MTA3: variants seen among roughly 807,000 people sequenced by gnomAD.
MTA3 encodes metastasis-associated protein MTA3.
MTA3 carries 34 observed loss-of-function variants against 83.5 expected under a neutral mutation model. The ratio of observed to expected loss-of-function variants is 0.41; its 90% confidence interval spans 0.31 to 0.54. MTA3 has a LOEUF of 0.54. MTA3 is among the 20% of genes least tolerant of loss of function. The probability of loss-of-function intolerance (pLI) is 0.33; values close to 1 mark genes in which losing one functional copy is unlikely to be tolerated. For missense variants in MTA3, 761 were observed against 726.4 expected, an observed-to-expected ratio of 1.05 and a Z score of -0.55; for synonymous variants, 303 against 252.7, an observed-to-expected ratio of 1.20 and a Z score of -1.89.
chr2:42,742,985 T>C (rs1480506072), intron 16 of MTA3, among the ~76,000 whole-genome samples: 1 of 152,172 alleles, frequency 6.6e-6, no homozygotes, highest in East Asian at 1.9e-4. Context: ...TTGAGGAGCA[T>C]TGAAGGCAGG....
chr2:42,526,006 C>A (rs189747507), intron 2 of MTA3, among the ~76,000 whole-genome samples: 3 of 152,076 alleles, frequency 2.0e-5, no homozygotes, highest in Non-Finnish European at 4.4e-5. Context: ...AAAGAACCCC[C>A]TCGTTAATGC....
At chr2:42,645,631 C>G (rs144730494) in intron 6 of MTA3, among the ~76,000 whole-genome samples, 3 of 152,264 alleles carry the variant, frequency 2.0e-5, no homozygotes, top group African/African-American at 7.2e-5. Flanking sequence ...ATCAAACCAC[C>G]AAGAACATTC....
intron 2 of MTA3, among the ~76,000 whole-genome samples, chr2:42,557,068 C>T (rs977761525): frequency 6.6e-6 from 1 of 152,136 alleles, no homozygotes; most frequent in African/African-American, 2.4e-5. Flanking sequence ...TATATACCTA[C>T]TTTGTGCCCA....
chr2:42,667,912 A>G (rs1201587391), intron 8 of MTA3, among the ~76,000 whole-genome samples: 1 of 152,188 alleles, frequency 6.6e-6, no homozygotes, highest in African/African-American at 2.4e-5. Flanking sequence ...TAACCCTGCT[A>G]TGAACAAAGG....
At chr2:42,597,105 T>C (rs1282655436) in intron 3 of MTA3, among the ~76,000 whole-genome samples, 1 of 151,484 alleles carries the variant, frequency 6.6e-6, no homozygotes, top group Non-Finnish European at 1.5e-5. Context: ...AGAGACGGGG[T>C]TTCACCTTGT....
At chr2:42,515,088 G>A (rs997838222) in intron 2 of MTA3, among the ~76,000 whole-genome samples, 10 of 151,544 alleles carry the variant, frequency 6.6e-5, no homozygotes, top group South Asian at 2.1e-4. Flanking sequence ...ACAGAGTCTC[G>A]CTCTGTTGTG....
At chr2:42,595,705 G>GTA (rs920212756) in intron 3 of MTA3, among the ~76,000 whole-genome samples, 4 of 151,906 alleles carry the variant, frequency 2.6e-5, no homozygotes, top group African/African-American at 9.7e-5. Flanking sequence ...CGGTATTTGG[G>GTA]TATATATATA....
chr2:42,666,732 C>G (rs1209139372), intron 8 of MTA3, among the ~76,000 whole-genome samples: 2 of 152,080 alleles, frequency 1.3e-5, no homozygotes, highest in African/African-American at 2.4e-5. Context: ...TTGTTATATC[C>G]CTTAGTGTAG....
chr2:42,599,898 T>A (rs977902446), intron 3 of MTA3, among the ~76,000 whole-genome samples: 1 of 152,050 alleles, frequency 6.6e-6, no homozygotes, highest in African/African-American at 2.4e-5. Flanking sequence ...CAAGACTTTT[T>A]AAAAAACTTG....
intron 3 of MTA3, chr2:42,581,739 TA>T: frequency 3.5e-6 from 1 of 287,648 alleles, no homozygotes; most frequent in Non-Finnish European, 6.8e-6. Context: ...TATATGAACA[TA>T]AATCAGATTT....
chr2:42,530,547 G>T (rs1675915748), intron 2 of MTA3, among the ~76,000 whole-genome samples: 1 of 151,610 alleles, frequency 6.6e-6, no homozygotes, highest in South Asian at 2.1e-4. Context: ...AATTTGGGAG[G>T]CCGAGGCGGG....
intron 4 of MTA3, among the ~76,000 whole-genome samples, chr2:42,628,135 G>A (rs917754056): frequency 2.0e-5 from 3 of 152,148 alleles, no homozygotes; most frequent in African/African-American, 7.2e-5. Context: ...ACCCGCCTTG[G>A]CCTTCCAAAG....
At chr2:42,581,298 C>G (rs1484594475) in intron 3 of MTA3, among the ~76,000 whole-genome samples, 1 of 150,210 alleles carries the variant, frequency 6.7e-6, no homozygotes, top group African/African-American at 2.4e-5. Context: ...CTCCTAGCCT[C>G]AAGGGATCCT....
At chr2:42,514,474 C>T (rs934804237) in intron 2 of MTA3, among the ~76,000 whole-genome samples, 11 of 151,974 alleles carry the variant, frequency 7.2e-5, no homozygotes, top group African/African-American at 2.4e-4. Flanking sequence ...ACCTCCACCT[C>T]CAGGATTCAA....
rs556867873 is a variant in MTA3, at chr2:42,614,908, T to G, written c.317+5324T>G. ...AGGAGGATTGCTTGAGCCCAGGAGT[T>G]CAAGGCTATAGTGAGCCATGATTGT... On this transcript the variant is annotated intron_variant, in intron 4 of 16. Coordinates refer to ENST00000405094, the MANE Select transcript of MTA3 (RefSeq NM_001330442.2). Among the ~76,000 whole-genome samples the G allele has an allele frequency of 4.6e-5, 7 of 151,096 alleles. No individual in the cohort carries two copies. The South Asian group carries it at 1.5e-3, about 32-fold the overall frequency.
intron 7 of MTA3, among the ~76,000 whole-genome samples, chr2:42,656,923 T>G (rs1185988134): frequency 6.6e-6 from 1 of 152,222 alleles, no homozygotes; most frequent in Non-Finnish European, 1.5e-5. Flanking sequence ...TAAAGCTATA[T>G]GTAGCAAAGA....
At chr2:42,604,798 C>G (rs1228351437) in intron 3 of MTA3, among the ~76,000 whole-genome samples, 1 of 148,748 alleles carries the variant, frequency 6.7e-6, no homozygotes, top group African/African-American at 2.5e-5. Context: ...AACGAGCATG[C>G]TGCCTTCAAG....
rs1686318739 is a variant in MTA3, at chr2:42,628,234, AT to A, written c.318-11936del. Among the ~76,000 whole-genome samples the A allele has an allele frequency of 2.0e-5, 3 of 148,624 alleles. No individual in the cohort carries two copies. The South Asian group carries it at 6.4e-4, about 31-fold the overall frequency. The stretch of plus-strand genomic sequence containing the variant: ...TATTTATTTATTTATTTATTTATTT[AT>A]TTATTTATTTTTGAGATGGAGTTTT... On this transcript the variant is annotated intron_variant, in intron 4 of 16. Coordinates refer to ENST00000405094, the MANE Select transcript of MTA3 (RefSeq NM_001330442.2).
chr2:42,524,886 G>C (rs1553337540), intron 2 of MTA3, among the ~76,000 whole-genome samples: 1 of 149,082 alleles, frequency 6.7e-6, no homozygotes, highest in African/African-American at 2.5e-5. Flanking sequence ...AGGCCTGAAG[G>C]CATCCTGGCG....
Sources: allele counts gnomAD v4.1 joint callset (sites outside exome capture counted in the v4.1 genomes callset), GRCh38; gene constraint gnomAD v4.1.1; transcripts MANE v1.5; gene names NCBI Gene and HGNC (gene_info 2026-07-23, HGNC 2026-07-21).